The following SOX5 variants were observed in gnomAD, a reference collection of about 807,000 sequenced individuals.
SOX5 encodes SRY-box transcription factor 5, also known as transcription factor SOX-5.
SOX5 carries 9 observed loss-of-function variants against 92.0 expected under a neutral mutation model. The ratio of observed to expected loss-of-function variants is 0.10; its 90% confidence interval spans 0.06 to 0.17. The LOEUF (loss-of-function observed/expected upper bound fraction) is 0.17. Among genes scored for constraint, SOX5 ranks in the 10% least tolerant of loss-of-function variants. SOX5 has a pLI of 1.00. For synonymous variants in SOX5, 344 were observed against 336.3 expected, an observed-to-expected ratio of 1.02 and a Z score of -0.25; for missense variants, 642 against 944.5, an observed-to-expected ratio of 0.68 and a Z score of 4.20.
At chr12:23,582,094 C>T in intron 9 of SOX5, 3 of 928,902 alleles carry the variant, frequency 3.2e-6, no homozygotes, top group Non-Finnish European at 3.9e-6. Flanking sequence ...ATGAAATGAT[C>T]GTATTAACCT....
intron 2 of SOX5, among the ~76,000 whole-genome samples, chr12:24,312,563 C>T (rs1359890492): frequency 6.6e-6 from 1 of 152,164 alleles, no homozygotes; most frequent in Non-Finnish European, 1.5e-5. Context: ...AGCCCCAATT[C>T]CTAGAACAGT....
chr12:23,904,392 TA>T (rs1286468253), intron 1 of SOX5, among the ~76,000 whole-genome samples: 5 of 152,016 alleles, frequency 3.3e-5, no homozygotes. Flanking sequence ...GGTCCTGGCA[TA>T]AAATATAAAT....
chr12:24,409,919 AAC>A (rs1963753947), intron 1 of SOX5, among the ~76,000 whole-genome samples: 1 of 151,980 alleles, frequency 6.6e-6, no homozygotes, highest in Admixed American at 6.6e-5. Flanking sequence ...ATGGTTTGCA[AAC>A]ACTTTTATTC....
chr12:23,676,438 G>T (rs909285914), intron 6 of SOX5, among the ~76,000 whole-genome samples: 1 of 152,054 alleles, frequency 6.6e-6, no homozygotes, highest in Non-Finnish European at 1.5e-5. Context: ...CTCAAAACCC[G>T]GCTTAAGTGT....
At chr12:24,139,314 A>G (rs910753504) in intron 4 of SOX5, among the ~76,000 whole-genome samples, 20 of 152,350 alleles carry the variant, frequency 1.3e-4, no homozygotes, top group Admixed American at 1.3e-3. Context: ...ATGTTTTAAT[A>G]GCTCGCTTCT....
intron 2 of SOX5, among the ~76,000 whole-genome samples, chr12:24,325,126 A>G (rs576203818): frequency 6.6e-6 from 1 of 152,100 alleles, no homozygotes; most frequent in East Asian, 1.9e-4. Context: ...AGCACTTTTC[A>G]GGTTAAAAAA....
chr12:24,231,431 A>C (rs890433826), intron 3 of SOX5, among the ~76,000 whole-genome samples: 2 of 152,108 alleles, frequency 1.3e-5, no homozygotes, highest in African/African-American at 2.4e-5. Flanking sequence ...CTCTAGGGGG[A>C]AGAAAGTCTC....
intron 3 of SOX5, among the ~76,000 whole-genome samples, chr12:24,234,971 A>C (rs965646518): frequency 2.0e-5 from 3 of 152,202 alleles, no homozygotes; most frequent in Non-Finnish European, 4.4e-5. Context: ...AGAATTATCT[A>C]ACCCAAATGT....
chr12:23,644,819 T>C (rs542511278), intron 7 of SOX5, among the ~76,000 whole-genome samples: 3 of 152,340 alleles, frequency 2.0e-5, no homozygotes, highest in East Asian at 3.9e-4. Context: ...CTAGTTAAAA[T>C]TGTAAATACT....
intron 1 of SOX5, among the ~76,000 whole-genome samples, chr12:24,497,291 G>A (rs761790784): frequency 6.6e-6 from 1 of 152,170 alleles, no homozygotes; most frequent in South Asian, 2.1e-4. Context: ...ATTTTTGTTT[G>A]AGTATGTTTA....
At chr12:23,604,170 T>G (rs978912424) in intron 9 of SOX5, 1 of 491,070 alleles carries the variant, frequency 2.0e-6, no homozygotes, top group African/African-American at 1.9e-5. Context: ...CATTTTCTAC[T>G]ATAGTTATCG....
chr12:24,302,638 G>A (rs945712926), intron 2 of SOX5, among the ~76,000 whole-genome samples: 1 of 151,972 alleles, frequency 6.6e-6, no homozygotes, highest in Non-Finnish European at 1.5e-5. Context: ...TCAGAAACAA[G>A]GCAATGCTAA....
At chr12:23,920,440 AG>A (rs1937856556) in intron 1 of SOX5, 4 of 152,216 alleles carry the variant, frequency 2.6e-5, no homozygotes, top group African/African-American at 9.6e-5. Context: ...GTAATAGACT[AG>A]CTCTAAGACA....
At chr12:23,906,708 C>A (rs939407490) in intron 1 of SOX5, among the ~76,000 whole-genome samples, 1 of 152,096 alleles carries the variant, frequency 6.6e-6, no homozygotes, top group African/African-American at 2.4e-5. Context: ...CTGTAAAAAT[C>A]TTTTATTAAT....
intron 3 of SOX5, among the ~76,000 whole-genome samples, chr12:23,793,163 T>C (rs2095505879): frequency 6.6e-6 from 1 of 152,218 alleles, no homozygotes; most frequent in Admixed American, 6.5e-5. Context: ...TAAGTAGATA[T>C]ACATTTGTAT....
chr12:24,205,955 G>A (rs779515872), intron 4 of SOX5, among the ~76,000 whole-genome samples: 3 of 152,168 alleles, frequency 2.0e-5, no homozygotes, highest in Non-Finnish European at 4.4e-5. Context: ...TGCAAGTCAA[G>A]TCTGTAGTTC....
rs187312968 is a variant in SOX5 at position 24,226,761 on chromosome 12, A to C, written c.-76-13344T>G. On this transcript the variant is annotated intron_variant, in intron 3 of 4. Transcript: ENST00000446891. ...GCTAGGATTACAGGCGTGAGCCACC[A>C]CGCCCGGCCTGTACAAATACTTCTG... Among the ~76,000 whole-genome samples, 234 of 152,244 alleles carry C rather than the reference A, an allele frequency of 1.5e-3. No homozygotes were observed. In the Middle Eastern group the frequency reaches 0.017, roughly 11 times the overall value.
At chr12:23,793,027 T>C (rs936054385) in intron 3 of SOX5, among the ~76,000 whole-genome samples, 2 of 152,132 alleles carry the variant, frequency 1.3e-5, no homozygotes, top group South Asian at 4.1e-4. Context: ...ATTTCAAGGA[T>C]AAAACCTGGA....
At position 24,165,699 on chromosome 12, in the gene SOX5, G is replaced by A. The variant is rs554528337; in HGVS notation, c.-2+47644C>T. 4.6e-5 allele frequency among the ~76,000 whole-genome samples: 7 copies of A among 152,286 alleles called. 1 individual carries two copies. Among genetic ancestry groups the A allele is most frequent in the Admixed American group, 4.6e-4 (7 of 15,280 alleles). On this transcript the variant is annotated intron_variant, in intron 4 of 4. Transcript: ENST00000446891. ...CATGCAGAAATACATAGGAAAAGAT[G>A]TGTAGGTTGATATGGCTGGAGTTTG...
Sources: gnomAD v4.1 joint callset for allele counts (sites outside exome capture counted in the v4.1 genomes callset) on GRCh38, gnomAD v4.1.1 for gene constraint, MANE v1.5 for transcripts, NCBI Gene and HGNC (gene_info 2026-07-23, HGNC 2026-07-21) for gene names.